IDE: variants seen among roughly 807,000 people sequenced by gnomAD.
IDE encodes insulin degrading enzyme, also known as insulin-degrading enzyme.
In IDE, 58 loss-of-function variants were observed where a neutral mutation model predicts 133.2. The observed-to-expected ratio is 0.44, with a 90% CI of 0.35 to 0.54. The LOEUF (loss-of-function observed/expected upper bound fraction) is 0.54. IDE is among the 20% of genes least tolerant of loss of function. The probability of loss-of-function intolerance (pLI) is 0.00; values close to 1 mark genes in which losing one functional copy is unlikely to be tolerated. For synonymous variants in IDE, 396 were observed against 421.3 expected (o/e 0.94, Z 0.73); for missense variants, 981 against 1,234.0 (o/e 0.79, Z 3.07).
At chr10:92,487,348 G>C (rs766244002) in intron 12 of IDE, 30 bp from the exon 13 acceptor site, 2 of 1,593,076 alleles carry the variant, frequency 1.3e-6, no homozygotes, top group African/African-American at 1.3e-5. Context: ...CACAAATGCA[G>C]TAAGAGTCTG....
At chr10:92,557,501 A>C (rs1843067717) in intron 1 of IDE, among the ~76,000 whole-genome samples, 1 of 152,086 alleles carries the variant, frequency 6.6e-6, no homozygotes, top group Non-Finnish European at 1.5e-5. Context: ...GTGCCACTGC[A>C]GTCCAGCCTG....
At chr10:92,483,234 A>G in intron 14 of IDE, 21 bp downstream of exon 14, 1 of 1,237,668 alleles carries the variant, frequency 8.1e-7, no homozygotes, top group Non-Finnish European at 1.2e-6. Context: ...AAGCTTTATA[A>G]GCTAGATTCA....
At position 92,454,083 on chromosome 10, in the gene IDE, T is replaced by G. The variant is rs1844866191; in HGVS notation, c.*361A>C. On this transcript the variant is annotated 3_prime_UTR_variant, in exon 25 of 25. Transcript: ENST00000265986. The stretch of plus-strand genomic sequence containing the variant: ...GCCTTCTATGTCAAGCTAGGAGGCT[T>G]TTAGAAAAGAGCTAACTTTTAACTT... 6.1e-6 allele frequency: 1 copy of G among 165,006 alleles called. No homozygotes were observed. Among genetic ancestry groups the G allele is most frequent in the African/African-American group, 2.4e-5 (1 of 41,670 alleles). The allele number at this position is 165,006 out of a possible 1,614,324, so 10.2% of individuals were successfully genotyped here. A position where few individuals can be genotyped will look rare whatever the true frequency, so the allele number is the denominator to read the frequency against.
chr10:92,515,582 A>G (rs1364351367), intron 4 of IDE, among the ~76,000 whole-genome samples: 3 of 85,880 alleles, frequency 3.5e-5, no homozygotes, highest in African/African-American at 4.6e-5. Flanking sequence ...TTTTTTTGAG[A>G]CGGAATTTCG....
chr10:92,567,539 A>G (rs182436115), intron 1 of IDE, among the ~76,000 whole-genome samples: 131 of 152,350 alleles, frequency 8.6e-4, no homozygotes, highest in Non-Finnish European at 1.2e-3. Flanking sequence ...TTAGCCAAAA[A>G]TACAGCTTTC....
At chr10:92,504,605 G>A (rs1007656491) in intron 11 of IDE, among the ~76,000 whole-genome samples, 189 bp downstream of exon 11, 2 of 152,082 alleles carry the variant, frequency 1.3e-5, no homozygotes, top group Non-Finnish European at 2.9e-5. Flanking sequence ...AGAGGGATGG[G>A]TATAGATTAA....
chr10:92,509,875 C>T (rs1389010955), intron 6 of IDE, among the ~76,000 whole-genome samples, 175 bp downstream of exon 6: 1 of 148,052 alleles, frequency 6.8e-6, no homozygotes, highest in African/African-American at 2.5e-5. Flanking sequence ...GAGCCATGAT[C>T]GCACCACTGC....
intron 15 of IDE, among the ~76,000 whole-genome samples, chr10:92,476,331 G>A (rs1038506939): frequency 2.0e-5 from 3 of 151,830 alleles, no homozygotes; most frequent in African/African-American, 4.8e-5. Flanking sequence ...GCCCCACTAC[G>A]CCTGGTTAAT....
chr10:92,530,226 C>CAATAAATAAAAATAAATA (rs1849844448), intron 4 of IDE, among the ~76,000 whole-genome samples: 5 of 149,646 alleles, frequency 3.3e-5, no homozygotes, highest in Admixed American at 2.0e-4. Flanking sequence ...GACTCCGTCT[C>CAATAAATAAAAATAAATA]AATAAATAAA....
In IDE at chr10:92,470,251, C is replaced by A; in HGVS notation, c.2208+3G>T. ...AAAGATTGCTAAAACCTCAACCACC[C>A]ACCTGCTTTGTTATGTTTCCATGGA... is the stretch of plus-strand genomic sequence containing the variant. On this transcript the variant is annotated splice_donor_region_variant and intron_variant, in intron 18 of 24. Transcript: ENST00000265986. The A allele has an allele frequency of 1.3e-6, 2 of 1,591,420 alleles. No homozygotes were observed. Among genetic ancestry groups the A allele is most frequent in the East Asian group, 2.3e-5 (1 of 44,298 alleles).
At chr10:92,470,637 T>C (rs1457686973) in intron 17 of IDE, among the ~76,000 whole-genome samples, 1 of 152,210 alleles carries the variant, frequency 6.6e-6, no homozygotes, top group Non-Finnish European at 1.5e-5. Context: ...GTCATATGTC[T>C]TTAGTTCCCT....
intron 21 of IDE, among the ~76,000 whole-genome samples, chr10:92,462,573 C>T (rs1455479930): frequency 6.6e-6 from 1 of 152,060 alleles, no homozygotes; most frequent in Non-Finnish European, 1.5e-5. Flanking sequence ...TGCCATTGCA[C>T]TCCAGCCTGG....
intron 5 of IDE, among the ~76,000 whole-genome samples, chr10:92,510,707 TGA>T (rs1453935370): frequency 2.1e-4 from 32 of 151,522 alleles, no homozygotes; most frequent in Admixed American, 2.0e-3. Context: ...CTCACATATA[TGA>T]TATATATCAC....
intron 1 of IDE, among the ~76,000 whole-genome samples, chr10:92,554,499 T>G (rs989192733): frequency 6.8e-6 from 1 of 147,978 alleles, no homozygotes; most frequent in Admixed American, 6.9e-5. Flanking sequence ...GAGCCATGAT[T>G]GCACCACTGC....
chr10:92,459,243 C>T (rs1845223194), intron 22 of IDE, among the ~76,000 whole-genome samples: 2 of 152,190 alleles, frequency 1.3e-5, no homozygotes, highest in Admixed American at 1.3e-4. Flanking sequence ...CTCAAAGAAA[C>T]TATCAGCACC....
At chr10:92,463,642 C>T in intron 21 of IDE, 89 bp downstream of exon 21, 2 of 1,203,974 alleles carry the variant, frequency 1.7e-6, no homozygotes, top group South Asian at 2.8e-5. Context: ...AACGGAATAT[C>T]ACCTACAAAA....
At chr10:92,458,466 G>A (rs1238812572) in intron 22 of IDE, among the ~76,000 whole-genome samples, 1 of 148,580 alleles carries the variant, frequency 6.7e-6, no homozygotes, top group Non-Finnish European at 1.5e-5. Context: ...ACTTAGCTTA[G>A]GCCTGGTTAT....
At chr10:92,483,455 T>C (rs752674684) in intron 13 of IDE, 118 bp from the exon 14 acceptor site, 6 of 644,500 alleles carry the variant, frequency 9.3e-6, no homozygotes, top group Non-Finnish European at 1.7e-5. Context: ...TGTTCTGGAG[T>C]TGCTGTCCCA....
intron 1 of IDE, among the ~76,000 whole-genome samples, chr10:92,557,541 T>C (rs1429799718): frequency 6.6e-6 from 1 of 151,244 alleles, no homozygotes; most frequent in East Asian, 2.0e-4. Context: ...AAAAAAACCA[T>C]ACAGATTAAT....
Sources: gnomAD v4.1 joint callset for allele counts (sites outside exome capture counted in the v4.1 genomes callset) on GRCh38, gnomAD v4.1.1 for gene constraint, MANE v1.5 for transcripts, NCBI Gene and HGNC (gene_info 2026-07-23, HGNC 2026-07-21) for gene names.